CLMP: variants seen among roughly 807,000 people sequenced by gnomAD.
CLMP encodes the protein CXADR like cell adhesion molecule.
In CLMP, 27 loss-of-function variants were observed where a neutral mutation model predicts 45.2. The observed-to-expected ratio is 0.60, with a 90% confidence interval of 0.44 to 0.82. The LOEUF (loss-of-function observed/expected upper bound fraction) is 0.82. CLMP is among the 40% of genes least tolerant of loss of function. CLMP has a pLI of 0.00. For missense variants in CLMP, 403 were observed against 448.4 expected (o/e 0.90, Z 0.91); for synonymous variants, 167 against 171.4 (o/e 0.97, Z 0.20).
At chr11:123,084,825 G>T in intron 2 of CLMP, 112 bp from the exon 3 acceptor site, 1 of 830,370 alleles carries the variant, frequency 1.2e-6, no homozygotes, top group Non-Finnish European at 1.9e-6. Flanking sequence ...AGTCAAGCCT[G>T]GGGCTGAGAG....
intron 1 of CLMP, among the ~76,000 whole-genome samples, chr11:123,171,178 A>G (rs1282596269): frequency 2.0e-5 from 3 of 152,040 alleles, no homozygotes; most frequent in Admixed American, 6.5e-5. Context: ...CATTCTAAGT[A>G]GAGGGAAGAA....
intron 1 of CLMP, among the ~76,000 whole-genome samples, chr11:123,174,753 G>A (rs12573887): frequency 0.017 from 2,638 of 152,214 alleles, 120 homozygotes; most frequent in Admixed American, 0.092. Flanking sequence ...TAGAAATTAG[G>A]AAGCACTTAG....
At chr11:123,105,910 G>A (rs7933934) in intron 1 of CLMP, among the ~76,000 whole-genome samples, 15,405 of 150,876 alleles carry the variant, frequency 0.1, 875 homozygotes, top group East Asian at 0.17. Flanking sequence ...TCCGCCTCCC[G>A]GGTTCCAGCG....
At chr11:123,084,927 G>A (rs1411156570) in intron 2 of CLMP, among the ~76,000 whole-genome samples, 1 of 152,160 alleles carries the variant, frequency 6.6e-6, no homozygotes, top group Non-Finnish European at 1.5e-5. Flanking sequence ...AACACTTCAT[G>A]TTTGTGTAGC....
intron 1 of CLMP, among the ~76,000 whole-genome samples, chr11:123,150,480 A>AAGAAAGGAAGG (rs1565397435): frequency 4.9e-5 from 2 of 40,962 alleles, no homozygotes; most frequent in Non-Finnish European, 9.4e-5. Flanking sequence ...AGAAAGAAAG[A>AAGAAAGGAAGG]AAGGAAGGAA....
At position 123,095,317 on chromosome 11, in the gene CLMP, C is replaced by G. The variant is rs548251986; in HGVS notation, c.186+2478G>C. ...CAGTGAAACTTTTTTTTTTTTGAGA[C>G]AGTCTTGCTCTGTTGCCCAGGCTGG... On this transcript the variant is annotated intron_variant, in intron 2 of 6. Coordinates refer to ENST00000448775, the MANE Select transcript of CLMP (RefSeq NM_024769.5). Among the ~76,000 whole-genome samples, 19 of 150,438 alleles carry G rather than the reference C, an allele frequency of 1.3e-4. No homozygotes were observed. In the South Asian group the frequency reaches 2.7e-3, roughly 22 times the overall value.
intron 1 of CLMP, among the ~76,000 whole-genome samples, chr11:123,154,714 C>T (rs1861388939): frequency 6.6e-6 from 1 of 152,164 alleles, no homozygotes; most frequent in African/African-American, 2.4e-5. Flanking sequence ...ATAAATCCCC[C>T]TCATTTTTCT....
At chr11:123,154,822 G>A (rs1320486022) in intron 1 of CLMP, among the ~76,000 whole-genome samples, 1 of 152,162 alleles carries the variant, frequency 6.6e-6, no homozygotes, top group East Asian at 1.9e-4. Flanking sequence ...GTTCTGATGG[G>A]CAGTTATACA....
intron 1 of CLMP, among the ~76,000 whole-genome samples, chr11:123,130,515 T>C (rs12286925): frequency 0.14 from 20,569 of 151,964 alleles, 1,747 homozygotes; most frequent in African/African-American, 0.22. Context: ...GAAGAAAAAT[T>C]TTAACACCCT....
intron 2 of CLMP, among the ~76,000 whole-genome samples, chr11:123,085,768 TG>T (rs1233947133): frequency 1.6e-5 from 2 of 126,080 alleles, no homozygotes; most frequent in East Asian, 5.8e-4. Context: ...TAATTTTTTA[TG>T]TTTTTTTTTT....
At chr11:123,136,517 T>G (rs1861073718) in intron 1 of CLMP, 1 of 234,906 alleles carries the variant, frequency 4.3e-6, no homozygotes, top group Non-Finnish European at 7.9e-6. Flanking sequence ...GTCTCTCCAG[T>G]GTAATATTTC....
intron 5 of CLMP, 40 bp downstream of exon 5, chr11:123,083,045 C>T: frequency 6.2e-7 from 1 of 1,610,130 alleles, no homozygotes; most frequent in Non-Finnish European, 8.5e-7. Context: ...AATGCAAAAA[C>T]AAACAGAAAA....
chr11:123,171,726 G>A (rs1383025296), intron 1 of CLMP, among the ~76,000 whole-genome samples: 2 of 152,122 alleles, frequency 1.3e-5, no homozygotes, highest in Non-Finnish European at 2.9e-5. Flanking sequence ...TTGCAGGCAT[G>A]AGCCACCGCG....
At chr11:123,084,818 C>T in intron 2 of CLMP, 105 bp from the exon 3 acceptor site, 1 of 934,078 alleles carries the variant, frequency 1.1e-6, no homozygotes. Context: ...ACAAAGTAGT[C>T]AAGCCTGGGG....
chr11:123,106,991 C>T (rs1182100699), intron 1 of CLMP, among the ~76,000 whole-genome samples: 1 of 150,774 alleles, frequency 6.6e-6, no homozygotes, highest in Non-Finnish European at 1.5e-5. Context: ...TGCACTCCAG[C>T]CTGGGCGACA....
intron 1 of CLMP, among the ~76,000 whole-genome samples, chr11:123,126,032 A>G (rs1343529070): frequency 6.6e-6 from 1 of 152,118 alleles, no homozygotes; most frequent in Non-Finnish European, 1.5e-5. Flanking sequence ...TGCTACTCAC[A>G]CTGCTCATTG....
intron 1 of CLMP, among the ~76,000 whole-genome samples, chr11:123,126,715 G>A (rs1188581970): frequency 5.3e-5 from 8 of 152,058 alleles, no homozygotes; most frequent in Non-Finnish European, 1.2e-4. Flanking sequence ...GGCAAACACG[G>A]TGAAACCCCG....
At chr11:123,101,500 T>C (rs1323125516) in intron 1 of CLMP, among the ~76,000 whole-genome samples, 1 of 152,226 alleles carries the variant, frequency 6.6e-6, no homozygotes, top group African/African-American at 2.4e-5. Flanking sequence ...TCCGGTATTC[T>C]TGCTTTCAGG....
intron 1 of CLMP, among the ~76,000 whole-genome samples, chr11:123,156,931 AT>A (rs1861422518): frequency 6.6e-6 from 1 of 152,196 alleles, no homozygotes; most frequent in Admixed American, 6.5e-5. Context: ...TAAGATTTCT[AT>A]TCAGTGGCTG....
Sources: gnomAD v4.1 joint callset for allele counts (sites outside exome capture counted in the v4.1 genomes callset) on GRCh38, gnomAD v4.1.1 for gene constraint, MANE v1.5 for transcripts, NCBI Gene and HGNC (gene_info 2026-07-23, HGNC 2026-07-21) for gene names.